The following SWAP70 variants were observed in gnomAD, a reference collection of about 807,000 sequenced individuals.
The protein encoded by SWAP70 is switch-associated protein 70.
SWAP70 carries 34 observed loss-of-function variants against 80.2 expected under a neutral mutation model. The ratio of observed to expected loss-of-function variants is 0.42; its 90% CI spans 0.32 to 0.56. The LOEUF is 0.56. Among genes scored for constraint, SWAP70 ranks in the 20% least tolerant of loss-of-function variants. The pLI is 0.09. For synonymous variants in SWAP70, 239 were observed against 238.5 expected (o/e 1.00, Z -0.02); for missense variants, 578 against 690.7 (o/e 0.84, Z 1.83).
chr11:9,742,708 T>G (rs1013372028), intron 9 of SWAP70, among the ~76,000 whole-genome samples: 3 of 152,126 alleles, frequency 2.0e-5, no homozygotes, highest in African/African-American at 7.2e-5. Flanking sequence ...TCAGAGGGAC[T>G]TTCTGTCAGA....
chr11:9,707,802 T>C (rs12280169), intron 2 of SWAP70, among the ~76,000 whole-genome samples: 50,313 of 151,906 alleles, frequency 0.33, 8,589 homozygotes, highest in Non-Finnish European at 0.36. Flanking sequence ...GTGATCCACC[T>C]GCGTTGGCCT....
At chr11:9,721,264 A>AT (rs1399328078) in intron 3 of SWAP70, among the ~76,000 whole-genome samples, 19 of 151,904 alleles carry the variant, frequency 1.3e-4, no homozygotes, top group Non-Finnish European at 2.2e-4. Flanking sequence ...GAAATACCTG[A>AT]TAATATCTGA....
intron 4 of SWAP70, among the ~76,000 whole-genome samples, chr11:9,725,533 ATATATAT>A (rs1329325039): frequency 7.3e-5 from 2 of 27,450 alleles, no homozygotes; most frequent in African/African-American, 1.7e-4. Flanking sequence ...AATACAAAAT[ATATATAT>A]ATATATATAT....
chr11:9,707,563 T>C (rs1392918936), intron 2 of SWAP70, among the ~76,000 whole-genome samples: 2 of 149,734 alleles, frequency 1.3e-5, no homozygotes, highest in African/African-American at 4.9e-5. Context: ...TTTTCTTTTT[T>C]TTTTTTTTTT....
intron 9 of SWAP70, among the ~76,000 whole-genome samples, chr11:9,747,390 A>C (rs576506715): frequency 6.6e-6 from 1 of 152,348 alleles, no homozygotes; most frequent in African/African-American, 2.4e-5. Flanking sequence ...TTCCATGGTA[A>C]CAGGTTTTTA....
intron 7 of SWAP70, among the ~76,000 whole-genome samples, chr11:9,735,877 T>A (rs886694463): frequency 6.6e-6 from 1 of 152,118 alleles, no homozygotes; most frequent in East Asian, 1.9e-4. Context: ...TTATCCTGTT[T>A]AGAGTGTATT....
intron 2 of SWAP70, among the ~76,000 whole-genome samples, chr11:9,697,274 CT>C (rs5789613): frequency 0.56 from 80,105 of 143,496 alleles, 23,812 homozygotes; most frequent in South Asian, 0.73. Flanking sequence ...AGTCAGGATT[CT>C]TTTTTTTTTT....
intron 1 of SWAP70, among the ~76,000 whole-genome samples, chr11:9,673,492 G>T (rs111637432): frequency 1.3e-5 from 2 of 152,004 alleles, no homozygotes; most frequent in Non-Finnish European, 2.9e-5. Context: ...GTCCTCTTCC[G>T]TCTCTTATGG....
intron 2 of SWAP70, among the ~76,000 whole-genome samples, chr11:9,710,375 A>C (rs1850979140): frequency 6.6e-6 from 1 of 152,118 alleles, no homozygotes; most frequent in Non-Finnish European, 1.5e-5. Context: ...CCATGGGATC[A>C]CTTGTATTTG....
intron 3 of SWAP70, among the ~76,000 whole-genome samples, chr11:9,715,843 A>C (rs559474446): frequency 6.6e-6 from 1 of 152,326 alleles, no homozygotes; most frequent in African/African-American, 2.4e-5. Context: ...CTGCCCCAGA[A>C]CTCAACTTTT....
At chr11:9,685,530 A>G (rs182975092) in intron 1 of SWAP70, among the ~76,000 whole-genome samples, 207 of 152,268 alleles carry the variant, frequency 1.4e-3, no homozygotes, top group Non-Finnish European at 2.1e-3. Flanking sequence ...CAGAAGGGCA[A>G]AAGAGACTAG....
intron 9 of SWAP70, among the ~76,000 whole-genome samples, chr11:9,746,822 G>T (rs1035162901): frequency 3.9e-5 from 6 of 152,250 alleles, no homozygotes; most frequent in African/African-American, 1.4e-4. Context: ...GCAACGAGTG[G>T]TAGCCCATCA....
intron 1 of SWAP70, among the ~76,000 whole-genome samples, chr11:9,672,344 T>C (rs1340675936): frequency 6.7e-6 from 1 of 149,572 alleles, no homozygotes; most frequent in Admixed American, 6.7e-5. Flanking sequence ...GGAATAAATG[T>C]ATTTTTTACT....
chr11:9,719,964 C>G, intron 3 of SWAP70: 5 of 598,320 alleles, frequency 8.4e-6, no homozygotes, highest in Non-Finnish European at 1.0e-5. Context: ...AACTGAAGGC[C>G]TCGAAAATCA....
intron 10 of SWAP70, among the ~76,000 whole-genome samples, chr11:9,748,859 A>G (rs1373276123): frequency 3.3e-5 from 5 of 152,216 alleles, no homozygotes; most frequent in East Asian, 1.9e-4. Context: ...CTGGGTTCCA[A>G]TTCTGGCTCT....
chr11:9,739,391 A>G (rs1345707030), intron 8 of SWAP70, among the ~76,000 whole-genome samples: 1 of 152,248 alleles, frequency 6.6e-6, no homozygotes, highest in Non-Finnish European at 1.5e-5. Flanking sequence ...AACAGCCAGA[A>G]TGTCTGGTCT....
chr11:9,712,735 C>CTTT (rs71034736), intron 2 of SWAP70, among the ~76,000 whole-genome samples: 2 of 132,190 alleles, frequency 1.5e-5, no homozygotes, highest in Non-Finnish European at 3.2e-5. Flanking sequence ...TATCTTCTTC[C>CTTT]TTTTTTTTTT....
intron 2 of SWAP70, among the ~76,000 whole-genome samples, chr11:9,709,095 G>A (rs1850960761): frequency 6.6e-6 from 1 of 151,066 alleles, no homozygotes; most frequent in Non-Finnish European, 1.5e-5. Context: ...TTTCTTTAAA[G>A]ACAGGGGTCT....
At chr11:9,706,821 C>CT (rs890919201) in intron 2 of SWAP70, among the ~76,000 whole-genome samples, 22 of 151,068 alleles carry the variant, frequency 1.5e-4, no homozygotes, top group South Asian at 4.2e-4. Context: ...ATAAAGAACT[C>CT]TTTTTTTTTC....
Sources: allele counts gnomAD v4.1 joint callset (sites outside exome capture counted in the v4.1 genomes callset), GRCh38; gene constraint gnomAD v4.1.1; transcripts MANE v1.5; gene names NCBI Gene and HGNC (gene_info 2026-07-23, HGNC 2026-07-21).